Variants in ENTREP2 observed in about 807,000 individuals in gnomAD.
ENTREP2 encodes protein ENTREP2.
At chr15:29,151,684 C>T in the ENTREP2 span, 1 of 1,429,108 alleles carries the variant, frequency 7.0e-7, no homozygotes, top group Non-Finnish European at 9.6e-7. Context: ...AGCGTCCACT[C>T]CTACACTGGT....
chr15:29,605,475 G>C, the ENTREP2 span, among the ~76,000 whole-genome samples: 2 of 152,048 alleles, frequency 1.3e-5, no homozygotes, highest in African/African-American at 4.8e-5. Context: ...CATATACTTT[G>C]GAAATTGATC....
At chr15:29,442,353 GCAACTAT>G in the ENTREP2 span, among the ~76,000 whole-genome samples, 1 of 152,206 alleles carries the variant, frequency 6.6e-6, no homozygotes, top group Non-Finnish European at 1.5e-5. Flanking sequence ...AAGACCGTGT[GCAACTAT>G]CTTTGGGAAA....
At chr15:29,285,496 A>G in the ENTREP2 span, among the ~76,000 whole-genome samples, 1 of 152,236 alleles carries the variant, frequency 6.6e-6, no homozygotes, top group African/African-American at 2.4e-5. Context: ...TCCTAGAAAA[A>G]CACAACCAAG....
chr15:29,411,963 T>C, the ENTREP2 span, among the ~76,000 whole-genome samples: 1 of 152,188 alleles, frequency 6.6e-6, no homozygotes, highest in Admixed American at 6.5e-5. Flanking sequence ...GCACCTACAC[T>C]TACTGTCTAT....
At chr15:29,618,679 G>A in the ENTREP2 span, among the ~76,000 whole-genome samples, 1 of 152,164 alleles carries the variant, frequency 6.6e-6, no homozygotes, top group African/African-American at 2.4e-5. Flanking sequence ...ATTCTTCTCT[G>A]AAATGCAATC....
the ENTREP2 span, chr15:29,235,016 A>T: frequency 2.4e-6 from 3 of 1,249,904 alleles, no homozygotes; most frequent in Non-Finnish European, 2.4e-6. Flanking sequence ...TTGAAGTTTC[A>T]ATCTTTAGAT....
At chr15:29,480,280 C>T in the ENTREP2 span, among the ~76,000 whole-genome samples, 2 of 141,416 alleles carry the variant, frequency 1.4e-5, no homozygotes, top group Admixed American at 7.5e-5. Flanking sequence ...AAGGGCTCAT[C>T]CTACGAAAAT....
chr15:29,306,165 G>T, the ENTREP2 span, among the ~76,000 whole-genome samples: 4 of 152,224 alleles, frequency 2.6e-5, no homozygotes, highest in Non-Finnish European at 5.9e-5. Context: ...TGCCCACTGG[G>T]GCAAGTAGGG....
the ENTREP2 span, among the ~76,000 whole-genome samples, chr15:29,543,240 G>A: frequency 2.6e-5 from 4 of 152,194 alleles, no homozygotes; most frequent in South Asian, 8.3e-4. Context: ...CACGTACACA[G>A]AGGACTCCTA....
the ENTREP2 span, chr15:29,267,841 G>A: frequency 6.6e-6 from 1 of 152,142 alleles, no homozygotes; most frequent in East Asian, 1.9e-4. Context: ...TACAGGTCAA[G>A]AAACATCTGC....
the ENTREP2 span, among the ~76,000 whole-genome samples, chr15:29,394,990 C>T: frequency 6.7e-6 from 1 of 148,770 alleles, no homozygotes; most frequent in Admixed American, 6.8e-5. Context: ...TGGGTTCATG[C>T]CATTCTCCTG....
chr15:29,393,910 T>TTATC, the ENTREP2 span, among the ~76,000 whole-genome samples: 4 of 152,126 alleles, frequency 2.6e-5, no homozygotes, highest in Admixed American at 2.6e-4. Flanking sequence ...AAACAAAATG[T>TTATC]TATCCCAAAT....
chr15:29,535,817 A>ACC, the ENTREP2 span, among the ~76,000 whole-genome samples: 1 of 151,144 alleles, frequency 6.6e-6, no homozygotes, highest in East Asian at 2.0e-4. Flanking sequence ...GCTCACCAGA[A>ACC]CCCCAAATAT....
At chr15:29,211,689 G>C in the ENTREP2 span, among the ~76,000 whole-genome samples, 29 of 152,122 alleles carry the variant, frequency 1.9e-4, no homozygotes, top group Non-Finnish European at 3.2e-4. Flanking sequence ...AATCATAAAG[G>C]GATGCTGGAT....
chr15:29,258,259 A>T, the ENTREP2 span, among the ~76,000 whole-genome samples: 1 of 151,830 alleles, frequency 6.6e-6, no homozygotes, highest in African/African-American at 2.4e-5. Context: ...GAAAGGGCCA[A>T]CTTAAATTTT....
the ENTREP2 span, among the ~76,000 whole-genome samples, chr15:29,170,294 C>G: frequency 1.8e-4 from 20 of 111,078 alleles, no homozygotes; most frequent in Non-Finnish European, 2.8e-4. Context: ...GGTGACAGAG[C>G]GAGACTCCAT....
the ENTREP2 span, among the ~76,000 whole-genome samples, chr15:29,305,503 A>T: frequency 6.6e-6 from 1 of 152,208 alleles, no homozygotes; most frequent in South Asian, 2.1e-4. Flanking sequence ...GCTGGAGGTG[A>T]TGAGAAGTGG....
At chr15:29,220,608 G>C in the ENTREP2 span, among the ~76,000 whole-genome samples, 1 of 152,174 alleles carries the variant, frequency 6.6e-6, no homozygotes, top group Non-Finnish European at 1.5e-5. Context: ...CACAGGAACG[G>C]TGGGAAACTT....
At chr15:29,258,128 G>A in the ENTREP2 span, among the ~76,000 whole-genome samples, 5,904 of 150,070 alleles carry the variant, frequency 0.039, 377 homozygotes, top group African/African-American at 0.14. Flanking sequence ...CAGAAGAATC[G>A]CTTGAACTCG....
Sources: allele counts gnomAD v4.1 joint callset (sites outside exome capture counted in the v4.1 genomes callset), GRCh38; gene constraint gnomAD v4.1.1; transcripts MANE v1.5; gene names NCBI Gene and HGNC (gene_info 2026-07-23, HGNC 2026-07-21).